SEMA5A: variants seen among roughly 807,000 people sequenced by gnomAD.
SEMA5A encodes the protein semaphorin 5A, also known as semaphorin-5A.
SEMA5A carries 55 observed loss-of-function variants against 135.5 expected under a neutral mutation model. That is an observed-to-expected ratio of 0.41 (90% confidence interval 0.33 to 0.51). The LOEUF (loss-of-function observed/expected upper bound fraction) is 0.51. Among genes scored for constraint, SEMA5A ranks in the 20% least tolerant of loss-of-function variants. The probability of loss-of-function intolerance (pLI) is 0.37; values close to 1 mark genes in which losing one functional copy is unlikely to be tolerated. For synonymous variants in SEMA5A, 580 were observed against 546.5 expected (o/e 1.06, Z -0.85); for missense variants, 1,290 against 1,419.9 (o/e 0.91, Z 1.47).
intron 2 of SEMA5A, among the ~76,000 whole-genome samples, chr5:9,427,569 G>T (rs1011325774): frequency 6.6e-6 from 1 of 152,140 alleles, no homozygotes; most frequent in Non-Finnish European, 1.5e-5. Context: ...CTTGGTTGGT[G>T]CATCCCTGTG....
At chr5:9,173,597 T>C (rs1249149483) in intron 11 of SEMA5A, among the ~76,000 whole-genome samples, 1 of 152,148 alleles carries the variant, frequency 6.6e-6, no homozygotes, top group Non-Finnish European at 1.5e-5. Context: ...ATCCCATTCA[T>C]GAGGAATCCA....
intron 5 of SEMA5A, among the ~76,000 whole-genome samples, chr5:9,290,359 C>G (rs548104072): frequency 2.1e-4 from 32 of 152,334 alleles, no homozygotes; most frequent in African/African-American, 6.7e-4. Flanking sequence ...CAGGTCCATG[C>G]AGCTTGCTGT....
intron 2 of SEMA5A, among the ~76,000 whole-genome samples, chr5:9,415,052 CA>C (rs1757237778): frequency 6.6e-6 from 1 of 152,096 alleles, no homozygotes; most frequent in South Asian, 2.1e-4. Context: ...CTACTTGACA[CA>C]AAGGAAAGAT....
At chr5:9,499,435 A>T (rs916500637) in intron 1 of SEMA5A, among the ~76,000 whole-genome samples, 1 of 152,236 alleles carries the variant, frequency 6.6e-6, no homozygotes, top group Non-Finnish European at 1.5e-5. Context: ...TAACAAGGTT[A>T]CAAAGCAGCC....
chr5:9,224,645 T>C, intron 8 of SEMA5A, 29 bp downstream of exon 8: 21 of 1,593,184 alleles, frequency 1.3e-5, no homozygotes, highest in Non-Finnish European at 1.5e-5. Context: ...ACAAATGAGG[T>C]GAGAAAGAGG....
chr5:9,131,153 A>G (rs184036140), intron 13 of SEMA5A, among the ~76,000 whole-genome samples: 38 of 152,328 alleles, frequency 2.5e-4, no homozygotes, highest in African/African-American at 8.9e-4. Context: ...ATTTACCAAG[A>G]AAAGAGGTTT....
At chr5:9,504,381 G>A (rs1735763562) in intron 1 of SEMA5A, among the ~76,000 whole-genome samples, 1 of 152,094 alleles carries the variant, frequency 6.6e-6, no homozygotes, top group African/African-American at 2.4e-5. Context: ...TTTCATTAAT[G>A]TATTTAGGAA....
intron 16 of SEMA5A, among the ~76,000 whole-genome samples, chr5:9,084,658 C>T (rs1738582125): frequency 6.6e-6 from 1 of 152,162 alleles, no homozygotes; most frequent in South Asian, 2.1e-4. Flanking sequence ...CAATAAACCT[C>T]TTTCTTTTGT....
intron 1 of SEMA5A, among the ~76,000 whole-genome samples, chr5:9,491,738 A>G (rs1448395729): frequency 2.0e-5 from 3 of 152,232 alleles, no homozygotes; most frequent in Non-Finnish European, 4.4e-5. Context: ...AATAATTAAG[A>G]AAAGATGTTG....
intron 3 of SEMA5A, chr5:9,363,354 G>A (rs1410731187): frequency 6.9e-6 from 1 of 144,982 alleles, no homozygotes; most frequent in Non-Finnish European, 1.5e-5. Flanking sequence ...GAGCAGGGAG[G>A]CAGATGTGGC....
intron 3 of SEMA5A, among the ~76,000 whole-genome samples, chr5:9,342,578 A>G (rs1231737889): frequency 2.6e-5 from 4 of 152,218 alleles, no homozygotes; most frequent in South Asian, 4.1e-4. Context: ...AGCAACTTAC[A>G]TAACACACAT....
intron 3 of SEMA5A, among the ~76,000 whole-genome samples, chr5:9,377,852 G>C (rs1487355482): frequency 6.6e-6 from 1 of 152,050 alleles, no homozygotes; most frequent in Non-Finnish European, 1.5e-5. Context: ...GGTGCTCAAA[G>C]CATACAGAAA....
intron 5 of SEMA5A, among the ~76,000 whole-genome samples, chr5:9,297,767 G>T (rs982514151): frequency 1.4e-4 from 20 of 141,568 alleles, no homozygotes; most frequent in Admixed American, 6.5e-4. Flanking sequence ...TTTCCATGTT[G>T]CCCAGACTGG....
intron 18 of SEMA5A, among the ~76,000 whole-genome samples, chr5:9,054,865 C>T (rs995555955): frequency 6.6e-6 from 1 of 152,186 alleles, no homozygotes; most frequent in African/African-American, 2.4e-5. Context: ...ACAGACTTGA[C>T]ACTATGTTTA....
intron 16 of SEMA5A, among the ~76,000 whole-genome samples, chr5:9,081,296 G>A (rs1384276714): frequency 1.3e-5 from 2 of 152,160 alleles, no homozygotes; most frequent in Admixed American, 1.3e-4. Flanking sequence ...GGCACAGTTT[G>A]AATTTTCCCA....
intron 1 of SEMA5A, among the ~76,000 whole-genome samples, chr5:9,491,322 T>C (rs2126800416): frequency 6.6e-6 from 1 of 152,240 alleles, no homozygotes; most frequent in South Asian, 2.1e-4. Flanking sequence ...GGTGGATGCA[T>C]GTCATTACAC....
At chr5:9,077,030 C>T (rs1265786771) in intron 16 of SEMA5A, among the ~76,000 whole-genome samples, 3 of 152,270 alleles carry the variant, frequency 2.0e-5, no homozygotes, top group African/African-American at 4.8e-5. Context: ...ATCATACAAT[C>T]ACCTTCCATG....
At chr5:9,500,766 C>G (rs2126820059) in intron 1 of SEMA5A, among the ~76,000 whole-genome samples, 1 of 152,310 alleles carries the variant, frequency 6.6e-6, no homozygotes, top group East Asian at 1.9e-4. Flanking sequence ...AGGTTGTGGT[C>G]TGTGCCTGGC....
chr5:9,446,910 C>T (rs1183243964), intron 1 of SEMA5A, among the ~76,000 whole-genome samples: 1 of 152,272 alleles, frequency 6.6e-6, no homozygotes, highest in East Asian at 1.9e-4. Flanking sequence ...AGCGAAATGC[C>T]GGCCACAGAT....
Sources: gnomAD v4.1 joint callset for allele counts (sites outside exome capture counted in the v4.1 genomes callset) on GRCh38, gnomAD v4.1.1 for gene constraint, MANE v1.5 for transcripts, NCBI Gene and HGNC (gene_info 2026-07-23, HGNC 2026-07-21) for gene names.